CTNNA2: variants seen among roughly 807,000 people sequenced by gnomAD.
The protein encoded by CTNNA2 is catenin alpha-2.
Under a neutral mutation model 101.0 loss-of-function variants are expected in CTNNA2, and 42 were observed. The observed-to-expected ratio is 0.42, with a 90% confidence interval of 0.32 to 0.54. The LOEUF (loss-of-function observed/expected upper bound fraction) is 0.54, where lower values mean the gene tolerates loss of function less well. Among genes scored for constraint, CTNNA2 ranks in the 20% least tolerant of loss-of-function variants. The pLI is 0.14. For missense variants in CTNNA2, 871 were observed against 1,223.1 expected (o/e 0.71, Z 4.29); for synonymous variants, 450 against 456.4 (o/e 0.99, Z 0.18).
intron 4 of CTNNA2, among the ~76,000 whole-genome samples, chr2:79,479,668 A>T (rs1454560997): frequency 6.6e-6 from 1 of 152,096 alleles, no homozygotes; most frequent in African/African-American, 2.4e-5. Flanking sequence ...CACACTTGTA[A>T]TCCTAGCACT....
rs897522432 is a variant in CTNNA2 at position 79,521,994 on chromosome 2, G to T, written c.-6+8787G>T. 1.9e-4 allele frequency among the ~76,000 whole-genome samples: 29 copies of T among 152,186 alleles called. 1 individual carries two copies. ...CAAAAGTCAGTGCTGGCAGTAGTCT[G>T]GAATCCAGGCAGGCAAATTCGATTG... On this transcript the variant is annotated intron_variant, in intron 1 of 18. Transcript: ENST00000402739.
At chr2:80,575,337 C>CATTTATTT (rs1694946241) in intron 13 of CTNNA2, 1 of 151,972 alleles carries the variant, frequency 6.6e-6, no homozygotes, top group Non-Finnish European at 1.5e-5. Flanking sequence ...TTTATTTAAC[C>CATTTATTT]AAATGTATCC....
At chr2:79,371,550 C>T (rs188063866) in intron 3 of CTNNA2, among the ~76,000 whole-genome samples, 49 of 152,204 alleles carry the variant, frequency 3.2e-4, no homozygotes, top group Non-Finnish European at 4.6e-4. Context: ...AAAGAAACTC[C>T]GTCACTGCTA....
intron 7 of CTNNA2, among the ~76,000 whole-genome samples, chr2:80,196,699 C>G (rs1282824826): frequency 6.6e-6 from 1 of 152,132 alleles, no homozygotes; most frequent in African/African-American, 2.4e-5. Flanking sequence ...TCTATGAAGC[C>G]GTTCTCTACA....
At chr2:80,329,365 A>G (rs1376524135) in intron 7 of CTNNA2, among the ~76,000 whole-genome samples, 1 of 152,224 alleles carries the variant, frequency 6.6e-6, no homozygotes, top group Admixed American at 6.5e-5. Context: ...TAAATGAAAC[A>G]GTGTGGTAAA....
chr2:80,124,217 T>C (rs10190758), intron 7 of CTNNA2, among the ~76,000 whole-genome samples: 4,539 of 152,214 alleles, frequency 0.03, 195 homozygotes, highest in African/African-American at 0.1. Context: ...CCCAGATCTA[T>C]GTCCAGACAC....
At chr2:79,768,955 C>T (rs1003848473) in intron 3 of CTNNA2, among the ~76,000 whole-genome samples, 4 of 152,140 alleles carry the variant, frequency 2.6e-5, no homozygotes, top group East Asian at 2.0e-4. Context: ...CCCGGGTTCA[C>T]GCCATTCTCC....
At chr2:80,314,725 G>A (rs778037038) in intron 7 of CTNNA2, among the ~76,000 whole-genome samples, 2 of 152,184 alleles carry the variant, frequency 1.3e-5, no homozygotes, top group African/African-American at 2.4e-5. Flanking sequence ...GGTGTTGAGT[G>A]TATCATTTCT....
At chr2:79,601,206 A>G (rs779903615) in intron 1 of CTNNA2, among the ~76,000 whole-genome samples, 9 of 152,246 alleles carry the variant, frequency 5.9e-5, no homozygotes, top group Non-Finnish European at 1.0e-4. Flanking sequence ...GTTCTTATGT[A>G]TAAGACTACT....
At chr2:80,109,631 G>A (rs943617514) in intron 7 of CTNNA2, among the ~76,000 whole-genome samples, 8 of 152,152 alleles carry the variant, frequency 5.3e-5, no homozygotes, top group Non-Finnish European at 1.0e-4. Context: ...ACAGCATAAT[G>A]TTCTCTGCTT....
chr2:80,495,546 C>A (rs1035850548), intron 9 of CTNNA2, among the ~76,000 whole-genome samples: 8 of 152,052 alleles, frequency 5.3e-5, no homozygotes, highest in African/African-American at 1.9e-4. Context: ...ATACTATGAC[C>A]TCATTTGGAA....
chr2:79,531,505 C>T (rs532208123), intron 1 of CTNNA2, among the ~76,000 whole-genome samples: 10 of 151,940 alleles, frequency 6.6e-5, no homozygotes, highest in East Asian at 3.9e-4. Context: ...TCCATAGCAA[C>T]GGAAACAGTC....
chr2:79,755,679 A>G (rs1672350348), intron 3 of CTNNA2, among the ~76,000 whole-genome samples: 1 of 152,194 alleles, frequency 6.6e-6, no homozygotes, highest in South Asian at 2.1e-4. Context: ...TTTTATTACT[A>G]GATAGCACCC....
At chr2:79,415,506 C>T (rs1411471718) in intron 4 of CTNNA2, among the ~76,000 whole-genome samples, 1 of 152,132 alleles carries the variant, frequency 6.6e-6, no homozygotes, top group Non-Finnish European at 1.5e-5. Flanking sequence ...TATTAAGCAC[C>T]TAATTCACAT....
At chr2:80,256,282 C>T (rs1043911555) in intron 7 of CTNNA2, among the ~76,000 whole-genome samples, 1 of 152,116 alleles carries the variant, frequency 6.6e-6, no homozygotes, top group African/African-American at 2.4e-5. Context: ...CGGGCTCTAT[C>T]TAGCCAGCAA....
chr2:79,353,597 G>A (rs139378257), intron 3 of CTNNA2, among the ~76,000 whole-genome samples: 373 of 152,204 alleles, frequency 2.5e-3, no homozygotes, highest in African/African-American at 8.4e-3. Context: ...GACAGCATAC[G>A]GTGGGGTCTT....
intron 7 of CTNNA2, among the ~76,000 whole-genome samples, chr2:79,976,939 T>G (rs1690890576): frequency 6.6e-6 from 1 of 152,148 alleles, no homozygotes; most frequent in South Asian, 2.1e-4. Context: ...AATTGTTTCT[T>G]AAATATGAGA....
intron 2 of CTNNA2, among the ~76,000 whole-genome samples, chr2:79,224,085 A>G (rs1318319854): frequency 1.3e-5 from 2 of 152,204 alleles, no homozygotes; most frequent in Non-Finnish European, 2.9e-5. Context: ...TTCAATGACA[A>G]TTGCACTTCT....
intron 3 of CTNNA2, among the ~76,000 whole-genome samples, chr2:79,812,194 G>A (rs1677096280): frequency 6.6e-6 from 1 of 152,076 alleles, no homozygotes; most frequent in African/African-American, 2.4e-5. Context: ...AATAGTTGCA[G>A]TTTTATTTCT....
Sources: gnomAD v4.1 joint callset for allele counts (sites outside exome capture counted in the v4.1 genomes callset) on GRCh38, gnomAD v4.1.1 for gene constraint, MANE v1.5 for transcripts, NCBI Gene and HGNC (gene_info 2026-07-23, HGNC 2026-07-21) for gene names.